The following CCSER1 variants were observed in gnomAD, a reference collection of about 807,000 sequenced individuals.
CCSER1 encodes the protein coiled-coil serine rich protein 1.
A neutral mutation model predicts 82.0 loss-of-function variants in CCSER1; 41 were observed. That is an observed-to-expected ratio of 0.50 (90% CI 0.39 to 0.65). CCSER1 has a LOEUF of 0.65. CCSER1 is among the 30% of genes least tolerant of loss of function. The pLI is 0.00. For synonymous variants in CCSER1, 414 were observed against 383.9 expected (o/e 1.08, Z -0.92); for missense variants, 1,119 against 1,064.2 (o/e 1.05, Z -0.72).
At chr4:90,342,112 G>T (rs750605232) in intron 3 of CCSER1, among the ~76,000 whole-genome samples, 60 of 152,124 alleles carry the variant, frequency 3.9e-4, no homozygotes, top group Admixed American at 3.3e-4. Flanking sequence ...TGCAGTAAAT[G>T]CAGGCAGTGT....
chr4:90,375,002 C>G lies in CCSER1; in HGVS notation c.1510-25034C>G, dbSNP rs1561122686. 2.0e-5 allele frequency among the ~76,000 whole-genome samples: 3 copies of G among 152,288 alleles called. No individual in the cohort carries two copies. In the South Asian group the frequency reaches 6.2e-4, roughly 32 times the overall value. ...ATAATCAACTCAAAAATAATTCTCA[C>G]TCTACTCCCTTCACTTCCTCCTGGT... On this transcript the variant is annotated intron_variant, in intron 3 of 10. Coordinates refer to ENST00000509176, the MANE Select transcript of CCSER1 (RefSeq NM_001145065.2).
intron 8 of CCSER1, among the ~76,000 whole-genome samples, chr4:90,838,746 C>T (rs886849622): frequency 1.3e-5 from 2 of 152,188 alleles, no homozygotes; most frequent in Non-Finnish European, 2.9e-5. Flanking sequence ...CAGGCGCGGC[C>T]TTCGTTGTCA....
At chr4:91,143,070 A>T (rs1173307856) in intron 10 of CCSER1, among the ~76,000 whole-genome samples, 1 of 152,134 alleles carries the variant, frequency 6.6e-6, no homozygotes, top group Admixed American at 6.6e-5. Context: ...TGCTTTGGGC[A>T]GTAGGGCCAT....
At chr4:90,984,527 TG>T (rs1228502139) in intron 9 of CCSER1, among the ~76,000 whole-genome samples, 1 of 151,666 alleles carries the variant, frequency 6.6e-6, no homozygotes, top group Non-Finnish European at 1.5e-5. Flanking sequence ...GCATGGGAAA[TG>T]CAGGGGAGTT....
intron 10 of CCSER1, among the ~76,000 whole-genome samples, chr4:91,138,908 G>T (rs1178311253): frequency 6.6e-6 from 1 of 152,034 alleles, no homozygotes; most frequent in East Asian, 1.9e-4. Context: ...TAGATTCTGG[G>T]GTTACATTGC....
At chr4:90,901,758 A>G (rs1009837335) in intron 8 of CCSER1, among the ~76,000 whole-genome samples, 3 of 151,744 alleles carry the variant, frequency 2.0e-5, no homozygotes, top group African/African-American at 7.3e-5. Context: ...TCTCATGACT[A>G]TGTGCTTTGG....
At chr4:91,263,924 TAAAA>T (rs1220890116) in intron 10 of CCSER1, among the ~76,000 whole-genome samples, 1 of 151,950 alleles carries the variant, frequency 6.6e-6, no homozygotes, top group African/African-American at 2.4e-5. Context: ...TTTGTCAAAA[TAAAA>T]AGACAACTTG....
At chr4:90,927,061 C>T (rs567255992) in intron 9 of CCSER1, among the ~76,000 whole-genome samples, 1 of 152,054 alleles carries the variant, frequency 6.6e-6, no homozygotes, top group South Asian at 2.1e-4. Flanking sequence ...AATGCATAAT[C>T]AAAATATTCT....
chr4:90,223,268 A>C (rs537420477), intron 1 of CCSER1, among the ~76,000 whole-genome samples: 1 of 152,198 alleles, frequency 6.6e-6, no homozygotes, highest in East Asian at 1.9e-4. Context: ...TATTTTTTTC[A>C]CTATGGATTT....
At chr4:91,296,483 A>ATATATATTATT (rs1175690764) in intron 10 of CCSER1, among the ~76,000 whole-genome samples, 4 of 124,064 alleles carry the variant, frequency 3.2e-5, no homozygotes, top group African/African-American at 1.0e-4. Flanking sequence ...ATATATATAT[A>ATATATATTATT]TATTTTAATT....
At chr4:91,178,045 T>C (rs1017702858) in intron 10 of CCSER1, among the ~76,000 whole-genome samples, 1 of 152,222 alleles carries the variant, frequency 6.6e-6, no homozygotes, top group Admixed American at 6.5e-5. Flanking sequence ...AACATCTTTA[T>C]ATCTGCCTTC....
intron 10 of CCSER1, among the ~76,000 whole-genome samples, chr4:91,336,588 A>AAAATACAT (rs1232025341): frequency 6.6e-6 from 1 of 152,114 alleles, no homozygotes; most frequent in Non-Finnish European, 1.5e-5. Flanking sequence ...TTTTCAGAAC[A>AAAATACAT]AAATACATAA....
chr4:90,917,684 A>G (rs1727704577), intron 8 of CCSER1, among the ~76,000 whole-genome samples: 1 of 152,068 alleles, frequency 6.6e-6, no homozygotes. Context: ...GATCAAAAAA[A>G]TTACATCAGG....
chr4:90,667,026 G>T (rs1379735575), intron 6 of CCSER1, among the ~76,000 whole-genome samples: 1 of 152,142 alleles, frequency 6.6e-6, no homozygotes. Context: ...AAGTCAAGTT[G>T]TTGAAAACTG....
At chr4:91,155,774 G>T (rs967268640) in intron 10 of CCSER1, among the ~76,000 whole-genome samples, 1 of 151,876 alleles carries the variant, frequency 6.6e-6, no homozygotes, top group Non-Finnish European at 1.5e-5. Flanking sequence ...GGATATTGAA[G>T]GGGATGGAGA....
At chr4:90,642,024 T>C in intron 6 of CCSER1, 1 of 280,346 alleles carries the variant, frequency 3.6e-6, no homozygotes, top group Non-Finnish European at 8.1e-6. Context: ...AATCCGACAT[T>C]AAGAATTTCA....
chr4:90,218,619 AG>A (rs1741547281), intron 1 of CCSER1, among the ~76,000 whole-genome samples: 1 of 152,206 alleles, frequency 6.6e-6, no homozygotes, highest in Non-Finnish European at 1.5e-5. Flanking sequence ...ATAACTTTTC[AG>A]GGTCTTAATT....
At chr4:90,580,379 T>C (rs141665242) in intron 5 of CCSER1, among the ~76,000 whole-genome samples, 1 of 152,310 alleles carries the variant, frequency 6.6e-6, no homozygotes, top group East Asian at 1.9e-4. Flanking sequence ...TACCTCACTC[T>C]TAGTGTTCAG....
chr4:91,051,288 AT>A lies in CCSER1; in HGVS notation c.2173-34661del, dbSNP rs1477297669. On this transcript the variant is annotated intron_variant, in intron 9 of 10. Coordinates refer to ENST00000509176, the MANE Select transcript of CCSER1 (RefSeq NM_001145065.2). ...TCAAGTGGAAAATGAATATGAAAAA[AT>A]ATCAGATTTACTAGTTGTCAGAATG... is the stretch of plus-strand genomic sequence containing the variant. Among the ~76,000 whole-genome samples the A allele has an allele frequency of 7.2e-5, 11 of 152,318 alleles. No individual in the cohort carries two copies. In the East Asian group the frequency reaches 1.9e-3, roughly 27 times the overall value.
Sources: gnomAD v4.1 joint callset for allele counts (sites outside exome capture counted in the v4.1 genomes callset) on GRCh38, gnomAD v4.1.1 for gene constraint, MANE v1.5 for transcripts, NCBI Gene and HGNC (gene_info 2026-07-23, HGNC 2026-07-21) for gene names.